ALPK3: variants seen among roughly 807,000 people sequenced by gnomAD.
ALPK3 encodes the protein alpha kinase 3, also known as alpha-protein kinase 3.
Under a neutral mutation model 140.0 loss-of-function variants are expected in ALPK3, and 102 were observed. The observed-to-expected ratio is 0.73, with a 90% CI of 0.62 to 0.86. The LOEUF (loss-of-function observed/expected upper bound fraction) is 0.86, where lower values mean the gene tolerates loss of function less well. ALPK3 is among the 40% of genes least tolerant of loss of function. The probability of loss-of-function intolerance (pLI) is 0.00; values close to 1 mark genes in which losing one functional copy is unlikely to be tolerated. For synonymous variants in ALPK3, 938 were observed against 898.5 expected (o/e 1.04, Z -0.79); for missense variants, 2,254 against 2,208.2 (o/e 1.02, Z -0.42).
chr15:84,825,416 C>A (rs892602764), intron 2 of ALPK3, among the ~76,000 whole-genome samples: 1 of 152,240 alleles, frequency 6.6e-6, no homozygotes, highest in South Asian at 2.1e-4. Context: ...ACCTCGTGAT[C>A]CGCCAGCCTC....
chr15:84,820,707 C>A (rs957580495), intron 1 of ALPK3, among the ~76,000 whole-genome samples: 2 of 152,198 alleles, frequency 1.3e-5, no homozygotes, highest in Non-Finnish European at 2.9e-5. Context: ...GTCTTGAACT[C>A]CTGACCTCAG....
At chr15:84,821,050 C>T (rs187393690) in intron 1 of ALPK3, among the ~76,000 whole-genome samples, 1 of 151,934 alleles carries the variant, frequency 6.6e-6, no homozygotes, top group South Asian at 2.1e-4. Context: ...GAAGGTGGCA[C>T]GAAGAACTCT....
intron 5 of ALPK3, among the ~76,000 whole-genome samples, chr15:84,854,747 C>G (rs1237588432): frequency 6.6e-6 from 1 of 152,160 alleles, no homozygotes; most frequent in Non-Finnish European, 1.5e-5. Flanking sequence ...AGTTTCTTCC[C>G]CTTTCCACTT....
intron 5 of ALPK3, among the ~76,000 whole-genome samples, chr15:84,844,097 C>T (rs1376715768): frequency 2.0e-5 from 3 of 152,240 alleles, no homozygotes; most frequent in East Asian, 1.9e-4. Flanking sequence ...GGCGTGGTGG[C>T]GGATGCCTGT....
intron 3 of ALPK3, among the ~76,000 whole-genome samples, chr15:84,836,372 G>A (rs1402381440): frequency 6.6e-6 from 1 of 152,224 alleles, no homozygotes; most frequent in Non-Finnish European, 1.5e-5. Context: ...AGAATGGGCT[G>A]AATAGAGCCA....
rs1964087901 is a variant in ALPK3, at chr15:84,872,681, A to G, written c.*4225A>G. 2 of 152,210 alleles carry G rather than the reference A, an allele frequency of 1.3e-5. No homozygotes were observed. The allele number at this position is 152,210 out of a possible 1,614,324, so 9.4% of individuals were successfully genotyped here. A position where few individuals can be genotyped will look rare whatever the true frequency, so the allele number is the denominator to read the frequency against. Reference sequence around the variant, plus strand: ...AAGGGGCAGACCTTGGCATTTTCACATGATTTATCTCCCACTCTGATTCAC... The same window carrying G: ...AAGGGGCAGACCTTGGCATTTTCACGTGATTTATCTCCCACTCTGATTCAC... On this transcript the variant is annotated 3_prime_UTR_variant, in exon 14 of 14. Transcript: ENST00000258888.
intron 4 of ALPK3, 97 bp downstream of exon 4, chr15:84,839,194 C>A: frequency 9.8e-7 from 1 of 1,020,322 alleles, no homozygotes; most frequent in South Asian, 1.5e-5. Context: ...ATGGAGATGC[C>A]CAGGCACTCT....
intron 3 of ALPK3, 90 bp downstream of exon 3, chr15:84,827,695 G>A: frequency 6.5e-7 from 1 of 1,547,312 alleles, no homozygotes. Flanking sequence ...TGGGGTGGCG[G>A]GCTGTGTGCA....
chr15:84,847,354 T>G (rs1303406749), intron 5 of ALPK3, among the ~76,000 whole-genome samples: 1 of 150,700 alleles, frequency 6.6e-6, no homozygotes, highest in African/African-American at 2.4e-5. Context: ...AGAAAGACAG[T>G]GATGCAGAAA....
Position 84,840,003 on chromosome 15 carries a change from C to T in ALPK3, c.724C>T (p.Pro242Ser). The change falls in exon 5 of 14, where the codon CCT becomes TCT. Residue 242 changes from proline (P) to serine (S), a missense_variant. Physicochemically the swap from Pro to Ser is moderately conservative, Grantham distance 74. This residue lies in a region of ALPK3 where 2,088 missense variants were observed against 2,022.9 expected (regional missense o/e 1.03). Transcript: ENST00000258888. The stretch of plus-strand genomic sequence containing the variant: ...GGGCCCCTCGGTCCCTACCAGGGAG[C>T]CTGAGGGTGGGACCCTGGCGGCTTG... The part of the protein sequence containing the change: ...APGPSVPTRE[P>S]EGGTLAAWQE... 1 of 1,613,486 alleles carries T rather than the reference C, an allele frequency of 6.2e-7. No individual in the cohort carries two copies. Among genetic ancestry groups the T allele is most frequent in the East Asian group, 2.2e-5 (1 of 44,850 alleles).
chr15:84,853,738 C>T (rs191591171), intron 5 of ALPK3, among the ~76,000 whole-genome samples: 46 of 151,872 alleles, frequency 3.0e-4, no homozygotes, highest in African/African-American at 1.1e-3. Context: ...CCACTGCATG[C>T]CAGTCTGGGC....
chr15:84,841,509 C>T lies in ALPK3; in HGVS notation c.1653+577C>T, dbSNP rs117459039. On this transcript the variant is annotated intron_variant, in intron 5 of 13. Coordinates refer to ENST00000258888, the MANE Select transcript of ALPK3 (RefSeq NM_020778.5). ...AGAATAATCATAACAATACCTACTT[C>T]GTAGGGCTGTTGTAAGAATCTGGTG... Among the ~76,000 whole-genome samples, 1,137 of 152,294 alleles carry T rather than the reference C, an allele frequency of 7.5e-3. 7 individuals are homozygous for T. The highest frequency in any genetic ancestry group is 0.011 in the Non-Finnish European group (760 of 68,022).
At position 84,838,997 on chromosome 15, in the gene ALPK3, G is replaced by A. The variant is rs151295172; in HGVS notation, c.322G>A (p.Val108Met). 73 of 1,614,028 alleles carry A rather than the reference G, an allele frequency of 4.5e-5. No homozygotes were observed. In the Middle Eastern group the frequency reaches 3.1e-3, roughly 69 times the overall value. ...CIVTGYPEPE[V>M]TWYKDDTELD... Reference sequence around the variant, plus strand: ...TTTCTCAGGATACCCAGAGCCAGAGGTGACCTGGTACAAGGATGATACGGA... The same window carrying A: ...TTTCTCAGGATACCCAGAGCCAGAGATGACCTGGTACAAGGATGATACGGA... The change falls in exon 4 of 14, where the codon GTG (valine) becomes ATG (methionine). Residue 108 changes from valine to methionine, a missense_variant. By Grantham distance (21) the Val-to-Met change is conservative. This residue lies in a region of ALPK3 where 2,088 missense variants were observed against 2,022.9 expected (regional missense o/e 1.03). Coordinates refer to ENST00000258888, the MANE Select transcript of ALPK3 (RefSeq NM_020778.5).
chr15:84,864,498 T>C lies in ALPK3; in HGVS notation c.4556T>C (p.Leu1519Pro). Residue 1519 changes from leucine (L) to proline (P), a missense_variant, in exon 12 of 14, where the codon CTG becomes CCG. By Grantham distance (98) the Leu-to-Pro change is moderately conservative (BLOSUM62 -3). Coordinates refer to ENST00000258888, the MANE Select transcript of ALPK3 (RefSeq NM_020778.5). ...GCAAACAATATCCCATATGCTACCC[T>C]GGAGGAAGACCTGGGCAAGCCCCTG... is the stretch of plus-strand genomic sequence containing the variant. The part of the protein sequence containing the change: ...RPANNIPYAT[L>P]EEDLGKPLES... 1.2e-6 allele frequency: 2 copies of C among 1,614,178 alleles called. No homozygotes were observed. The highest frequency in any genetic ancestry group is 1.7e-6 in the Non-Finnish European group (2 of 1,180,036).
At position 84,829,772 on chromosome 15, in the gene ALPK3, G is replaced by C. The variant is rs149991889; in HGVS notation, c.304+2167G>C. On this transcript the variant is annotated intron_variant, in intron 3 of 13. Coordinates refer to ENST00000258888, the MANE Select transcript of ALPK3 (RefSeq NM_020778.5). ...TGAGCAAAGGGTGAGTTTGAGGACA[G>C]GTAAAATCAAAATGCTCCTGCTCTC... 9.8e-5 allele frequency among the ~76,000 whole-genome samples: 15 copies of C among 152,308 alleles called. No individual in the cohort carries two copies. In the East Asian group the frequency reaches 2.7e-3, roughly 27 times the overall value.
At chr15:84,851,419 T>C (rs1458519472) in intron 5 of ALPK3, among the ~76,000 whole-genome samples, 10 of 152,198 alleles carry the variant, frequency 6.6e-5, no homozygotes, top group Admixed American at 5.9e-4. Flanking sequence ...TTGATTTCCT[T>C]ATATATTTTC....
chr15:84,838,937 G>T, intron 3 of ALPK3, 43 bp from the exon 4 acceptor site: 1 of 1,568,696 alleles, frequency 6.4e-7, no homozygotes, highest in Non-Finnish European at 8.8e-7. Context: ...CCATTATTTT[G>T]GAACTGGCCT....
At chr15:84,865,406 G>GT (rs767988863) in intron 12 of ALPK3, among the ~76,000 whole-genome samples, 2 of 152,016 alleles carry the variant, frequency 1.3e-5, no homozygotes, top group African/African-American at 2.4e-5. Context: ...TCAAATGTGT[G>GT]TTTCACTGGG....
rs1383632878 is a variant in ALPK3 at position 84,840,001 on chromosome 15, A to C, written c.722A>C (p.Glu241Ala). 25 of 1,613,220 alleles carry C rather than the reference A, an allele frequency of 1.5e-5. No individual in the cohort carries two copies. The highest frequency in any genetic ancestry group is 2.0e-5 in the Non-Finnish European group (24 of 1,179,684). The change falls in exon 5 of 14, where the codon GAG becomes GCG. Residue 241 changes from glutamate (E) to alanine (A), a missense_variant. Transcript: ENST00000258888. Reference protein sequence around the residue: ...QAPGPSVPTREPEGGTLAAWQ... With the variant: ...QAPGPSVPTRAPEGGTLAAWQ... ...CCGGGCCCCTCGGTCCCTACCAGGG[A>C]GCCTGAGGGTGGGACCCTGGCGGCT... is the stretch of plus-strand genomic sequence containing the variant.
Sources: allele counts gnomAD v4.1 joint callset (sites outside exome capture counted in the v4.1 genomes callset), GRCh38; gene constraint gnomAD v4.1.1; regional missense constraint gnomAD v4.1.1; transcripts MANE v1.5; gene names NCBI Gene and HGNC (gene_info 2026-07-23, HGNC 2026-07-21).